ARSB: variants seen among roughly 807,000 people sequenced by gnomAD.
ARSB encodes the protein arylsulfatase B, also known as N-acetylgalactosamine-4-sulfatase.
Under a neutral mutation model 50.9 loss-of-function variants are expected in ARSB, and 41 were observed. That is an observed-to-expected ratio of 0.81 (90% confidence interval 0.63 to 1.04). The LOEUF is 1.04. Among genes scored for constraint, ARSB ranks in the 50% least tolerant of loss-of-function variants. The probability of loss-of-function intolerance (pLI) is 0.00; values close to 1 mark genes in which losing one functional copy is unlikely to be tolerated. For synonymous variants in ARSB, 269 were observed against 284.8 expected (o/e 0.94, Z 0.56); for missense variants, 672 against 693.3 (o/e 0.97, Z 0.35).
At chr5:78,904,691 T>C (rs1310672735) in intron 4 of ARSB, among the ~76,000 whole-genome samples, 4 of 146,066 alleles carry the variant, frequency 2.7e-5, no homozygotes, top group African/African-American at 5.0e-5. Context: ...CTTTCTTTTT[T>C]TTTTTTTTTT....
intron 3 of ARSB, among the ~76,000 whole-genome samples, chr5:78,958,330 G>A (rs961557244): frequency 3.9e-5 from 6 of 152,130 alleles, no homozygotes; most frequent in Admixed American, 1.3e-4. Context: ...ACCACCTGGC[G>A]AAGGAGAGAA....
intron 5 of ARSB, among the ~76,000 whole-genome samples, chr5:78,853,372 A>C (rs1369013437): frequency 3.3e-5 from 5 of 152,032 alleles, no homozygotes; most frequent in Non-Finnish European, 5.9e-5. Context: ...AGAACAGCGG[A>C]TTTTCGTGAA....
Position 78,871,878 on chromosome 5 carries a change from C to T in ARSB, c.1142+13706G>A, listed in dbSNP as rs1423204662. Among the ~76,000 whole-genome samples, 490 of 141,906 alleles carry T rather than the reference C, an allele frequency of 3.5e-3. 1 individual carries two copies. The highest frequency in any genetic ancestry group is 0.012 in the African/African-American group (463 of 40,028). 93.1% of individuals were successfully genotyped at this position (141,906 alleles called of 152,430 possible). On this transcript the variant is annotated intron_variant, in intron 5 of 7. Coordinates refer to ENST00000264914, the MANE Select transcript of ARSB (RefSeq NM_000046.5). ...GGAAACTACCATCAGAGTGAACAGG[C>T]AACCTACAAAATGGGAGAAAATTTT...
At chr5:78,853,371 G>A (rs1261983672) in intron 5 of ARSB, among the ~76,000 whole-genome samples, 4 of 152,208 alleles carry the variant, frequency 2.6e-5, no homozygotes, top group Admixed American at 2.6e-4. Flanking sequence ...CAGAACAGCG[G>A]ATTTTCGTGA....
chr5:78,894,794 G>T (rs1334078595), intron 4 of ARSB, among the ~76,000 whole-genome samples: 2 of 152,188 alleles, frequency 1.3e-5, no homozygotes, highest in African/African-American at 4.8e-5. Flanking sequence ...AATAAACTCT[G>T]TGAGCCCCCA....
chr5:78,866,920 C>A (rs1303696720), intron 5 of ARSB, among the ~76,000 whole-genome samples: 2 of 152,188 alleles, frequency 1.3e-5, no homozygotes, highest in Admixed American at 1.3e-4. Flanking sequence ...GTTCATCTCA[C>A]CAGGGAGTGC....
chr5:78,931,784 C>T (rs943497892), intron 4 of ARSB, among the ~76,000 whole-genome samples: 4 of 151,956 alleles, frequency 2.6e-5, no homozygotes, highest in Middle Eastern at 3.4e-3. Context: ...AATTGTAATC[C>T]CCAGGTGTTG....
At chr5:78,925,733 A>C (rs1191725048) in intron 4 of ARSB, among the ~76,000 whole-genome samples, 9 of 152,214 alleles carry the variant, frequency 5.9e-5, no homozygotes, top group Non-Finnish European at 1.3e-4. Flanking sequence ...GGAAAGTAAA[A>C]GATCTAAATT....
rs184764988 is a variant in ARSB at position 78,783,789 on chromosome 5, T to C, written c.1214-1815A>G. Among the ~76,000 whole-genome samples the C allele has an allele frequency of 2.4e-4, 37 of 152,206 alleles. No individual in the cohort carries two copies. In the East Asian group the frequency reaches 6.4e-3, roughly 26 times the overall value. ...ACTATCTCATCTATACTTATATTTATACACATTTTTTTCTTAAGACAAACA... is the reference window on the plus strand; with the variant it reads ...ACTATCTCATCTATACTTATATTTACACACATTTTTTTCTTAAGACAAACA... On this transcript the variant is annotated intron_variant, in intron 6 of 7. Coordinates refer to ENST00000264914, the MANE Select transcript of ARSB (RefSeq NM_000046.5).
intron 6 of ARSB, among the ~76,000 whole-genome samples, chr5:78,803,555 C>T (rs1222650021): frequency 6.6e-6 from 1 of 152,212 alleles, no homozygotes; most frequent in African/African-American, 2.4e-5. Flanking sequence ...GGCCTTGGTC[C>T]ACTGGGGCCT....
At chr5:78,853,439 G>A (rs538434606) in intron 5 of ARSB, among the ~76,000 whole-genome samples, 33 of 151,764 alleles carry the variant, frequency 2.2e-4, no homozygotes, top group Admixed American at 1.8e-3. Flanking sequence ...AGGAATACCC[G>A]GCCGTGTGAG....
In ARSB at chr5:78,984,900, GGGCGGGGGCGGCGCGGGC is replaced by G. The variant is rs762417834; in HGVS notation, c.312+19_312+36del. Reference sequence around the variant, plus strand: ...AGCGGCAGGGCGCCGGCGAAAGGCGGGGCGGGGGCGGCGCGGGCGGCGGGGGCGCCGCGTACCTGGTAG... The same window carrying G: ...AGCGGCAGGGCGCCGGCGAAAGGCGGGGCGGGGGCGCCGCGTACCTGGTAG... On this transcript the variant is annotated intron_variant, in intron 1 of 7. Coordinates refer to ENST00000264914, the MANE Select transcript of ARSB (RefSeq NM_000046.5). 89 of 1,287,288 alleles carry G rather than the reference GGGCGGGGGCGGCGCGGGC, an allele frequency of 6.9e-5. 2 individuals are homozygous for G. The South Asian group carries it at 8.0e-4, about 12-fold the overall frequency. The allele number at this position is 1,287,288 out of a possible 1,614,324, so 79.7% of individuals were successfully genotyped here. A position where few individuals can be genotyped will look rare whatever the true frequency, so the allele number is the denominator to read the frequency against.
At chr5:78,891,625 C>A (rs752545905) in intron 4 of ARSB, among the ~76,000 whole-genome samples, 1 of 152,064 alleles carries the variant, frequency 6.6e-6, no homozygotes, top group Non-Finnish European at 1.5e-5. Flanking sequence ...TGTGGAGGAG[C>A]TGAAACCATA....
intron 5 of ARSB, among the ~76,000 whole-genome samples, chr5:78,853,054 A>G (rs923905199): frequency 5.3e-5 from 8 of 151,940 alleles, no homozygotes; most frequent in Non-Finnish European, 1.0e-4. Context: ...TCTTTTCTCA[A>G]CTCGTCAAAG....
intron 1 of ARSB, among the ~76,000 whole-genome samples, chr5:78,975,433 G>T (rs893841401): frequency 1.3e-5 from 2 of 152,180 alleles, no homozygotes; most frequent in Non-Finnish European, 2.9e-5. Context: ...GAAAAGCCGT[G>T]AAAATGTCTT....
chr5:78,970,595 G>A (rs1381955265), intron 1 of ARSB, among the ~76,000 whole-genome samples: 1 of 152,106 alleles, frequency 6.6e-6, no homozygotes, highest in Non-Finnish European at 1.5e-5. Flanking sequence ...TCATTGCCAT[G>A]AGGAAAAGTA....
At chr5:78,856,999 A>C (rs1746184039) in intron 5 of ARSB, among the ~76,000 whole-genome samples, 1 of 152,204 alleles carries the variant, frequency 6.6e-6, no homozygotes, top group Admixed American at 6.5e-5. Context: ...AGATAAAAGT[A>C]CCTATCTTAC....
intron 1 of ARSB, among the ~76,000 whole-genome samples, chr5:78,977,110 G>T (rs976078437): frequency 2.0e-5 from 3 of 152,084 alleles, no homozygotes; most frequent in Non-Finnish European, 2.9e-5. Flanking sequence ...CACATGTATT[G>T]TCATGCTATT....
At chr5:78,959,841 G>A (rs1321431285) in intron 3 of ARSB, among the ~76,000 whole-genome samples, 1 of 152,132 alleles carries the variant, frequency 6.6e-6, no homozygotes, top group Non-Finnish European at 1.5e-5. Flanking sequence ...TAGCCTAGTG[G>A]AATGAATTAA....
Sources: allele counts gnomAD v4.1 joint callset (sites outside exome capture counted in the v4.1 genomes callset), GRCh38; gene constraint gnomAD v4.1.1; transcripts MANE v1.5; gene names NCBI Gene and HGNC (gene_info 2026-07-23, HGNC 2026-07-21).